The following DACH2 variants were observed in gnomAD, a reference collection of about 807,000 sequenced individuals.
DACH2 encodes dachshund family transcription factor 2.
A neutral mutation model predicts 35.8 loss-of-function variants in DACH2; 17 were observed. The observed-to-expected ratio is 0.48, with a 90% CI of 0.33 to 0.71. DACH2 has a LOEUF of 0.71. Ranked by LOEUF, DACH2 falls within the 30% of genes least tolerant of loss-of-function variation. The pLI is 0.02. For missense variants in DACH2, 469 were observed against 472.7 expected, an observed-to-expected ratio of 0.99 and a Z score of 0.07; for synonymous variants, 195 against 177.3, an observed-to-expected ratio of 1.10 and a Z score of -0.79.
At chrX:86,680,001 C>A (rs762740567) in intron 4 of DACH2, among the ~76,000 whole-genome samples, 57 of 111,369 alleles carry the variant, frequency 5.1e-4, no homozygotes, top group African/African-American at 1.8e-3. Context: ...GCAAAATAGA[C>A]TCATTTGTTT....
At chrX:86,764,403 C>G (rs5968983) in intron 7 of DACH2, among the ~76,000 whole-genome samples, 1 of 109,508 alleles carries the variant, frequency 9.1e-6, no homozygotes, top group South Asian at 3.9e-4. Flanking sequence ...TAGTAGTTCC[C>G]AGTGTCTGTT....
At chrX:86,248,952 G>T (rs1380937904) in intron 1 of DACH2, among the ~76,000 whole-genome samples, 1 of 110,952 alleles carries the variant, frequency 9.0e-6, no homozygotes, top group Non-Finnish European at 1.9e-5. Context: ...AAAGCAATGG[G>T]GAAAGAACTC....
intron 2 of DACH2, among the ~76,000 whole-genome samples, chrX:86,387,957 C>G (rs1261791415): frequency 8.9e-6 from 1 of 112,396 alleles, no homozygotes; most frequent in Non-Finnish European, 1.9e-5. Flanking sequence ...TGATTCTAGC[C>G]TTTGTTTTGC....
At chrX:86,583,110 A>C (rs1021531470) in intron 3 of DACH2, among the ~76,000 whole-genome samples, 22 of 111,539 alleles carry the variant, frequency 2.0e-4, no homozygotes, top group African/African-American at 7.2e-4. Flanking sequence ...TAAAAACAAA[A>C]AGTAAATCAT....
chrX:86,748,734 T>C (rs1181269449), intron 7 of DACH2, among the ~76,000 whole-genome samples: 1 of 111,744 alleles, frequency 8.9e-6, no homozygotes, highest in Non-Finnish European at 1.9e-5. Flanking sequence ...ACCAACTGCA[T>C]TATCCCCTAA....
At chrX:86,372,312 T>C (rs2035899652) in intron 1 of DACH2, among the ~76,000 whole-genome samples, 1 of 111,041 alleles carries the variant, frequency 9.0e-6, no homozygotes, top group African/African-American at 3.3e-5. Context: ...GCACTCTTAG[T>C]GCACCTTCAG....
chrX:86,739,630 G>A, intron 6 of DACH2, 117 bp from the exon 7 acceptor site: 4 of 812,668 alleles, frequency 4.9e-6, no homozygotes, highest in Non-Finnish European at 5.2e-6. Context: ...ACCAATTATT[G>A]TAGATGTGTA....
intron 3 of DACH2, among the ~76,000 whole-genome samples, chrX:86,596,471 G>T (rs1317252760): frequency 9.0e-6 from 1 of 111,520 alleles, no homozygotes; most frequent in Admixed American, 9.6e-5. Context: ...GACTAATGAT[G>T]TTGAGCATTT....
chrX:86,241,707 C>A, intron 1 of DACH2, among the ~76,000 whole-genome samples: 1 of 112,554 alleles, frequency 8.9e-6, no homozygotes. Context: ...CAGCCCCTCC[C>A]ATCACAGGCC....
At chrX:86,221,094 T>C (rs2032699519) in intron 1 of DACH2, among the ~76,000 whole-genome samples, 1 of 111,752 alleles carries the variant, frequency 8.9e-6, no homozygotes, top group Admixed American at 9.5e-5. Context: ...TTTGTTTTTG[T>C]TGCCTGTGCT....
intron 1 of DACH2, among the ~76,000 whole-genome samples, chrX:86,229,622 T>C (rs2032904238): frequency 8.9e-6 from 1 of 111,943 alleles, no homozygotes; most frequent in Non-Finnish European, 1.9e-5. Flanking sequence ...TCCATTTGTT[T>C]GTGTCATCTA....
At chrX:86,754,091 A>G (rs779501991) in intron 7 of DACH2, among the ~76,000 whole-genome samples, 4 of 111,919 alleles carry the variant, frequency 3.6e-5, no homozygotes, top group Non-Finnish European at 7.5e-5. Context: ...AAAACATGGA[A>G]TTAAATTAAT....
At chrX:86,152,548 G>A (rs242844) in intron 1 of DACH2, among the ~76,000 whole-genome samples, 54,296 of 110,083 alleles carry the variant, frequency 0.49, 11,063 homozygotes, top group African/African-American at 0.77. Flanking sequence ...TTGTCTTCCT[G>A]GAAAATAAGT....
chrX:86,712,275 A>G (rs1206333120), intron 5 of DACH2, among the ~76,000 whole-genome samples: 1 of 111,673 alleles, frequency 9.0e-6, no homozygotes, highest in Non-Finnish European at 1.9e-5. Flanking sequence ...ATATCATTAT[A>G]GCATAAGCTA....
At chrX:86,587,154 C>A (rs963622930) in intron 3 of DACH2, among the ~76,000 whole-genome samples, 3 of 111,289 alleles carry the variant, frequency 2.7e-5, no homozygotes, top group Non-Finnish European at 5.7e-5. Context: ...TATTCCAAAG[C>A]ATTTTATTCT....
chrX:86,381,867 C>T (rs143014508), intron 2 of DACH2, among the ~76,000 whole-genome samples: 208 of 110,628 alleles, frequency 1.9e-3, no homozygotes, highest in African/African-American at 6.5e-3. Flanking sequence ...AGATGTGACA[C>T]ATGATTTCGA....
intron 6 of DACH2, among the ~76,000 whole-genome samples, chrX:86,717,271 A>G (rs1239604198): frequency 9.0e-6 from 1 of 110,707 alleles, no homozygotes; most frequent in African/African-American, 3.3e-5. Flanking sequence ...ATCATTCCAC[A>G]CTTTACACTC....
intron 3 of DACH2, among the ~76,000 whole-genome samples, chrX:86,522,602 A>T (rs1485901487): frequency 1.8e-5 from 2 of 108,279 alleles, no homozygotes; most frequent in East Asian, 5.9e-4. Context: ...TTTGTGAGTT[A>T]GAGTTTTCCC....
At chrX:86,232,325 AT>A (rs1433519543) in intron 1 of DACH2, among the ~76,000 whole-genome samples, 1 of 112,331 alleles carries the variant, frequency 8.9e-6, no homozygotes, top group East Asian at 2.8e-4. Flanking sequence ...ACCAAAAGCA[AT>A]TGCAACAAAA....
Sources: allele counts gnomAD v4.1 joint callset (sites outside exome capture counted in the v4.1 genomes callset), GRCh38; gene constraint gnomAD v4.1.1; transcripts MANE v1.5; gene names NCBI Gene and HGNC (gene_info 2026-07-23, HGNC 2026-07-21).